Variants in CPQ observed in about 807,000 individuals in gnomAD.
CPQ encodes carboxypeptidase Q, also known as Ser-Met dipeptidase.
Under a neutral mutation model 45.7 loss-of-function variants are expected in CPQ, and 37 were observed. That is an observed-to-expected ratio of 0.81 (90% CI 0.62 to 1.07). The LOEUF (loss-of-function observed/expected upper bound fraction) is 1.07, where lower values mean the gene tolerates loss of function less well. Ranked by LOEUF, CPQ falls within the 50% of genes least tolerant of loss-of-function variation. The probability of loss-of-function intolerance (pLI) is 0.00; values close to 1 mark genes in which losing one functional copy is unlikely to be tolerated. For synonymous variants in CPQ, 186 were observed against 205.8 expected, an observed-to-expected ratio of 0.90 and a Z score of 0.82; for missense variants, 537 against 572.9, an observed-to-expected ratio of 0.94 and a Z score of 0.64.
rs147641903 is a variant in CPQ, at chr8:97,109,400, G to A, written c.1256-33620G>A. Among the ~76,000 whole-genome samples the A allele has an allele frequency of 7.2e-3, 1,091 of 152,196 alleles. 12 individuals carry two copies. Among genetic ancestry groups the A allele is most frequent in the African/African-American group, 0.025 (1,023 of 41,540 alleles). On this transcript the variant is annotated intron_variant, in intron 7 of 7. Coordinates refer to ENST00000220763, the MANE Select transcript of CPQ (RefSeq NM_016134.4). The stretch of plus-strand genomic sequence containing the variant: ...GACCACAGTTCTACCTTTCACTGAA[G>A]GTCTTTTCTCCACTATGTTGAGACA...
chr8:96,692,000 T>G (rs1338339030), intron 1 of CPQ, among the ~76,000 whole-genome samples: 1 of 152,196 alleles, frequency 6.6e-6, no homozygotes, highest in African/African-American at 2.4e-5. Flanking sequence ...TACATATAAT[T>G]AAATAAGACA....
At chr8:96,959,836 G>A (rs1359849976) in intron 4 of CPQ, among the ~76,000 whole-genome samples, 1 of 132,320 alleles carries the variant, frequency 7.6e-6, no homozygotes, top group Non-Finnish European at 1.6e-5. Flanking sequence ...AAGACACCAA[G>A]TAAAATTAAG....
intron 1 of CPQ, among the ~76,000 whole-genome samples, chr8:96,689,598 C>T (rs1258607286): frequency 1.3e-5 from 2 of 152,134 alleles, no homozygotes; most frequent in African/African-American, 4.8e-5. Context: ...AAAAGTTTGT[C>T]AGCAGTCATT....
At chr8:96,880,371 T>C (rs925477093) in intron 4 of CPQ, among the ~76,000 whole-genome samples, 4 of 151,750 alleles carry the variant, frequency 2.6e-5, no homozygotes, top group African/African-American at 9.7e-5. Flanking sequence ...CTCACTACTG[T>C]GTATTGTAAC....
At chr8:97,117,762 C>G (rs1402109530) in intron 7 of CPQ, among the ~76,000 whole-genome samples, 2 of 152,078 alleles carry the variant, frequency 1.3e-5, no homozygotes, top group South Asian at 2.1e-4. Context: ...TGGTCTCAAA[C>G]TTCCAGTCTC....
At chr8:97,059,543 A>G (rs1051555651) in intron 6 of CPQ, among the ~76,000 whole-genome samples, 2 of 152,156 alleles carry the variant, frequency 1.3e-5, no homozygotes, top group African/African-American at 4.8e-5. Flanking sequence ...AAAAGTCTGA[A>G]CTTCAGGGTA....
intron 5 of CPQ, among the ~76,000 whole-genome samples, chr8:96,985,738 AC>A (rs1279273342): frequency 6.6e-6 from 1 of 152,214 alleles, no homozygotes; most frequent in African/African-American, 2.4e-5. Context: ...GTTGTAAAAA[AC>A]AAAACAACAT....
chr8:97,051,074 T>C (rs1160122463), intron 6 of CPQ, among the ~76,000 whole-genome samples: 1 of 152,054 alleles, frequency 6.6e-6, no homozygotes, highest in Non-Finnish European at 1.5e-5. Context: ...AACCCACAGG[T>C]CCAGGGCAAA....
At chr8:96,908,130 G>C (rs1249650823) in intron 4 of CPQ, among the ~76,000 whole-genome samples, 1 of 151,376 alleles carries the variant, frequency 6.6e-6, no homozygotes, top group Non-Finnish European at 1.5e-5. Flanking sequence ...GTGTGTGTGT[G>C]TGTGTGTGTG....
At chr8:96,775,887 T>C (rs1223859697) in intron 1 of CPQ, among the ~76,000 whole-genome samples, 1 of 152,146 alleles carries the variant, frequency 6.6e-6, no homozygotes, top group African/African-American at 2.4e-5. Flanking sequence ...GCATCATCCA[T>C]ATTAAAAACA....
intron 4 of CPQ, among the ~76,000 whole-genome samples, chr8:96,894,867 AG>A (rs1174520816): frequency 6.6e-6 from 1 of 152,238 alleles, no homozygotes; most frequent in East Asian, 1.9e-4. Flanking sequence ...GATTTTCTGC[AG>A]GATTTCACTG....
At chr8:96,964,084 TTTTC>T (rs201271951) in intron 4 of CPQ, among the ~76,000 whole-genome samples, 1,561 of 140,592 alleles carry the variant, frequency 0.011, 25 homozygotes, top group African/African-American at 0.038. Flanking sequence ...ATTTCATGAG[TTTTC>T]TTTCTTTTTT....
chr8:97,017,137 A>C (rs1173946667), intron 5 of CPQ, among the ~76,000 whole-genome samples: 1 of 152,176 alleles, frequency 6.6e-6, no homozygotes, highest in Non-Finnish European at 1.5e-5. Context: ...ATATATCCCC[A>C]CTGGAGAGGG....
chr8:97,033,742 T>G (rs2130476321), intron 6 of CPQ, among the ~76,000 whole-genome samples: 1 of 152,278 alleles, frequency 6.6e-6, no homozygotes, highest in African/African-American at 2.4e-5. Context: ...TTTTTGTTTT[T>G]CTGAATGTAA....
chr8:96,807,993 G>A (rs1319321515), intron 2 of CPQ, among the ~76,000 whole-genome samples: 1 of 152,178 alleles, frequency 6.6e-6, no homozygotes, highest in East Asian at 1.9e-4. Flanking sequence ...AGAAAAGCAC[G>A]CTTTTTGTGG....
At chr8:96,841,707 AT>A (rs1229625841) in intron 3 of CPQ, among the ~76,000 whole-genome samples, 1 of 152,176 alleles carries the variant, frequency 6.6e-6, no homozygotes, top group African/African-American at 2.4e-5. Context: ...TGTGTACTGT[AT>A]TGACAGAGTA....
chr8:96,724,463 G>A (rs1809808160), intron 1 of CPQ, among the ~76,000 whole-genome samples: 1 of 149,928 alleles, frequency 6.7e-6, no homozygotes, highest in Non-Finnish European at 1.5e-5. Context: ...TGAGAGCCAA[G>A]TCAAGAATGC....
intron 5 of CPQ, among the ~76,000 whole-genome samples, chr8:97,019,984 C>T (rs570919734): frequency 3.3e-5 from 5 of 152,194 alleles, no homozygotes; most frequent in South Asian, 2.1e-4. Flanking sequence ...GGCCACAAAA[C>T]GAGTCTTGAT....
At chr8:96,892,793 C>G (rs866107336) in intron 4 of CPQ, among the ~76,000 whole-genome samples, 6 of 152,034 alleles carry the variant, frequency 3.9e-5, no homozygotes, top group Admixed American at 2.0e-4. Flanking sequence ...GCAAGGAAAA[C>G]CTTGTAGGTT....
Sources: gnomAD v4.1 joint callset for allele counts (sites outside exome capture counted in the v4.1 genomes callset) on GRCh38, gnomAD v4.1.1 for gene constraint, MANE v1.5 for transcripts, NCBI Gene and HGNC (gene_info 2026-07-23, HGNC 2026-07-21) for gene names.